The following IGF1R variants were observed in gnomAD, a reference collection of about 807,000 sequenced individuals.
IGF1R encodes the protein insulin-like growth factor 1 receptor.
A neutral mutation model predicts 144.6 loss-of-function variants in IGF1R; 44 were observed. The ratio of observed to expected loss-of-function variants is 0.30; its 90% CI spans 0.24 to 0.39. The LOEUF is 0.39. IGF1R is among the 10% of genes least tolerant of loss of function. The pLI, the probability that IGF1R is intolerant of heterozygous loss-of-function variation, is 1.00. For missense variants in IGF1R, 1,355 were observed against 1,833.7 expected (o/e 0.74, Z 4.77); for synonymous variants, 795 against 722.8 (o/e 1.10, Z -1.60).
intron 2 of IGF1R, among the ~76,000 whole-genome samples, chr15:98,740,709 C>A (rs2054717762): frequency 6.6e-6 from 1 of 152,158 alleles, no homozygotes; most frequent in African/African-American, 2.4e-5. Context: ...AAAGGAAGAT[C>A]CTAAAATCTC....
intron 6 of IGF1R, among the ~76,000 whole-genome samples, chr15:98,909,261 C>CTTTTTTTTTTTT (rs752298130): frequency 5.4e-5 from 5 of 91,756 alleles, no homozygotes; most frequent in African/African-American, 2.0e-4. Context: ...CTTTTTTTTT[C>CTTTTTTTTTTTT]TTTTTTTTTT....
intron 2 of IGF1R, among the ~76,000 whole-genome samples, chr15:98,879,001 A>G (rs1355199913): frequency 6.6e-6 from 1 of 151,244 alleles, no homozygotes; most frequent in African/African-American, 2.4e-5. Flanking sequence ...GACTCAAAGA[A>G]AAAAAAAATA....
At chr15:98,911,769 G>A (rs187670744) in intron 7 of IGF1R, among the ~76,000 whole-genome samples, 3 of 152,288 alleles carry the variant, frequency 2.0e-5, no homozygotes, top group South Asian at 2.1e-4. Flanking sequence ...ACTCATGAAC[G>A]ATGATGGGGG....
Position 98,649,450 on chromosome 15 carries a change from C to T in IGF1R, c.-132C>T, listed in dbSNP as rs992801976. The stretch of plus-strand genomic sequence containing the variant: ...CGCCTTCGGAGTATTGTTTCCTTCG[C>T]CCTTGTTTTTGGAGGGGGAGCGAAG... On this transcript the variant is annotated 5_prime_UTR_variant, in exon 1 of 21. Transcript: ENST00000650285. 1.9e-5 allele frequency: 13 copies of T among 673,326 alleles called. No individual in the cohort carries two copies. The African/African-American group carries it at 2.1e-4, about 11-fold the overall frequency. 41.7% of individuals were successfully genotyped at this position (673,326 alleles called of 1,614,324 possible). A position where few individuals can be genotyped will look rare whatever the true frequency, so the allele number is the denominator to read the frequency against.
At chr15:98,844,446 CTATT>C (rs377421083) in intron 2 of IGF1R, among the ~76,000 whole-genome samples, 3 of 152,228 alleles carry the variant, frequency 2.0e-5, no homozygotes, top group African/African-American at 7.2e-5. Flanking sequence ...GCCAAAAAAA[CTATT>C]TACGGTTTGG....
Position 98,924,143 on chromosome 15 carries a change from G to A in IGF1R, c.2622+131G>A, listed in dbSNP as rs1216288892. 3.0e-5 allele frequency: 29 copies of A among 955,090 alleles called. 1 individual carries two copies. The South Asian group carries it at 3.2e-4, about 11-fold the overall frequency. The allele number at this position is 955,090 out of a possible 1,614,324, so 59.2% of individuals were successfully genotyped here. On this transcript the variant is annotated intron_variant, in intron 12 of 20. Transcript: ENST00000650285. ...ATAAAATCCATGCCAAGTTGGTGAG[G>A]ATTTGGGTCTTTCTACCCACTCTGT...
chr15:98,765,535 G>C (rs1043515163), intron 2 of IGF1R, among the ~76,000 whole-genome samples: 11 of 151,414 alleles, frequency 7.3e-5, no homozygotes, highest in African/African-American at 2.7e-4. Context: ...TGTTGGCCAG[G>C]CTCGTCTCGA....
intron 2 of IGF1R, among the ~76,000 whole-genome samples, chr15:98,758,586 C>A (rs1463580452): frequency 6.6e-6 from 1 of 152,230 alleles, no homozygotes. Flanking sequence ...ATGGAAGCCC[C>A]CCTTCCCTCT....
chr15:98,752,630 C>T (rs992897639), intron 2 of IGF1R, among the ~76,000 whole-genome samples: 4 of 151,268 alleles, frequency 2.6e-5, no homozygotes, highest in African/African-American at 9.7e-5. Flanking sequence ...TTGCAGTGAG[C>T]GGAGATTGTG....
At chr15:98,753,988 T>G (rs974864990) in intron 2 of IGF1R, among the ~76,000 whole-genome samples, 1 of 152,232 alleles carries the variant, frequency 6.6e-6, no homozygotes, top group South Asian at 2.1e-4. Context: ...GGCTCCAGCC[T>G]TCCTTCCAGC....
At chr15:98,773,013 C>A (rs2055626923) in intron 2 of IGF1R, among the ~76,000 whole-genome samples, 1 of 152,156 alleles carries the variant, frequency 6.6e-6, no homozygotes, top group South Asian at 2.1e-4. Flanking sequence ...CATCTTACCA[C>A]ATATTTGCAT....
chr15:98,950,920 T>C (rs919693315), intron 20 of IGF1R, among the ~76,000 whole-genome samples: 4 of 152,190 alleles, frequency 2.6e-5, no homozygotes, highest in African/African-American at 7.2e-5. Context: ...ACTTTGAGTG[T>C]TGCTACAAAT....
intron 1 of IGF1R, among the ~76,000 whole-genome samples, chr15:98,706,476 G>A (rs906597868): frequency 6.6e-6 from 1 of 152,128 alleles, no homozygotes; most frequent in African/African-American, 2.4e-5. Flanking sequence ...TCCACTTCTA[G>A]GGATTTATCC....
intron 2 of IGF1R, among the ~76,000 whole-genome samples, chr15:98,752,316 A>G (rs186696490): frequency 7.9e-5 from 12 of 152,290 alleles, no homozygotes; most frequent in African/African-American, 2.9e-4. Flanking sequence ...CATCCTGGAT[A>G]ATGGGTCCTG....
intron 2 of IGF1R, among the ~76,000 whole-genome samples, chr15:98,736,878 C>T (rs2054623225): frequency 6.6e-6 from 1 of 152,162 alleles, no homozygotes; most frequent in Admixed American, 6.5e-5. Flanking sequence ...TCCCAAAGTG[C>T]TAGGATTACA....
chr15:98,706,597 A>G (rs530967537), intron 1 of IGF1R, among the ~76,000 whole-genome samples: 20 of 152,142 alleles, frequency 1.3e-4, no homozygotes, highest in South Asian at 6.2e-4. Context: ...GTTAAAAAAA[A>G]AAAACAACCC....
chr15:98,922,945 G>C (rs1404819901), intron 11 of IGF1R, among the ~76,000 whole-genome samples: 1 of 152,128 alleles, frequency 6.6e-6, no homozygotes, highest in Non-Finnish European at 1.5e-5. Flanking sequence ...TTTGAAGGTG[G>C]GTGCCTTCAA....
At chr15:98,829,428 A>G (rs2056961675) in intron 2 of IGF1R, among the ~76,000 whole-genome samples, 1 of 152,068 alleles carries the variant, frequency 6.6e-6, no homozygotes, top group Non-Finnish European at 1.5e-5. Context: ...TTATACAAAT[A>G]TGTAATTAAG....
At chr15:98,784,765 A>G (rs1780168486) in intron 2 of IGF1R, among the ~76,000 whole-genome samples, 1 of 152,192 alleles carries the variant, frequency 6.6e-6, no homozygotes, top group Non-Finnish European at 1.5e-5. Flanking sequence ...AAAAACTAGT[A>G]TAACAACTTT....
Sources: allele counts gnomAD v4.1 joint callset (sites outside exome capture counted in the v4.1 genomes callset), GRCh38; gene constraint gnomAD v4.1.1; transcripts MANE v1.5; gene names NCBI Gene and HGNC (gene_info 2026-07-23, HGNC 2026-07-21).